Variants in PPP4R4 observed in about 807,000 individuals in gnomAD.
The protein encoded by PPP4R4 is serine/threonine-protein phosphatase 4 regulatory subunit 4.
A neutral mutation model predicts 121.8 loss-of-function variants in PPP4R4; 70 were observed. The observed-to-expected ratio is 0.57, with a 90% CI of 0.47 to 0.70. PPP4R4 has a LOEUF of 0.70. Among genes scored for constraint, PPP4R4 ranks in the 30% least tolerant of loss-of-function variants. The pLI is 0.00. For missense variants in PPP4R4, 875 were observed against 1,033.6 expected (o/e 0.85, Z 2.10); for synonymous variants, 348 against 355.7 (o/e 0.98, Z 0.24).
At chr14:94,181,927 T>G (rs962723372) in intron 2 of PPP4R4, among the ~76,000 whole-genome samples, 1 of 152,246 alleles carries the variant, frequency 6.6e-6, no homozygotes, top group African/African-American at 2.4e-5. Flanking sequence ...GACTCTTAAT[T>G]ACAACTCAAT....
intron 2 of PPP4R4, among the ~76,000 whole-genome samples, chr14:94,193,965 GT>G (rs1481929028): frequency 3.3e-5 from 5 of 152,170 alleles, no homozygotes. Context: ...CCAGCTGTTG[GT>G]CACTCACCTG....
chr14:94,230,885 T>C (rs377222780), intron 4 of PPP4R4, 151 bp downstream of exon 4: 21 of 869,586 alleles, frequency 2.4e-5, no homozygotes, highest in Admixed American at 1.7e-4. Context: ...AAAATAGCTA[T>C]GGCTGTCTTA....
intron 17 of PPP4R4, among the ~76,000 whole-genome samples, chr14:94,257,326 G>T (rs1198715428): frequency 6.6e-6 from 1 of 152,008 alleles, no homozygotes; most frequent in African/African-American, 2.4e-5. Context: ...TTTATAAGTT[G>T]AAGTGAAATT....
intron 2 of PPP4R4, among the ~76,000 whole-genome samples, chr14:94,188,950 A>C (rs1185589077): frequency 6.6e-6 from 1 of 152,170 alleles, no homozygotes; most frequent in African/African-American, 2.4e-5. Flanking sequence ...ATGCCTCAAT[A>C]AAACTCAAAA....
At chr14:94,258,092 T>A (rs1247288116) in intron 17 of PPP4R4, among the ~76,000 whole-genome samples, 1 of 152,168 alleles carries the variant, frequency 6.6e-6, no homozygotes, top group Non-Finnish European at 1.5e-5. Context: ...GCATGCATTA[T>A]GAATTTTTCA....
rs74343336 is a variant in PPP4R4, at chr14:94,191,609, T to C, written c.191+15482T>C. On this transcript the variant is annotated intron_variant, in intron 2 of 24. Transcript: ENST00000304338. ...GCAGAACTTATTCCTCCTATCTTGC[T>C]GTATAAATTGTTGAAGAGCCACTCA... Among the ~76,000 whole-genome samples, 1,430 of 152,316 alleles carry C rather than the reference T, an allele frequency of 9.4e-3. 12 individuals are homozygous for C. The highest frequency in any genetic ancestry group is 0.014 in the Non-Finnish European group (935 of 68,010).
chr14:94,205,084 G>T (rs1772692855), intron 2 of PPP4R4, among the ~76,000 whole-genome samples: 2 of 152,134 alleles, frequency 1.3e-5, no homozygotes, highest in South Asian at 4.1e-4. Context: ...GATTTAGGAA[G>T]TGCCACCTCC....
At chr14:94,212,854 G>A (rs191269558) in intron 3 of PPP4R4, among the ~76,000 whole-genome samples, 3 of 152,162 alleles carry the variant, frequency 2.0e-5, no homozygotes, top group Non-Finnish European at 2.9e-5. Context: ...ACCACATAAC[G>A]AAGGTGATTC....
chr14:94,254,642 T>C (rs1209851945), intron 16 of PPP4R4, among the ~76,000 whole-genome samples: 2 of 152,110 alleles, frequency 1.3e-5, no homozygotes, highest in Admixed American at 6.5e-5. Context: ...GATTCAGGTG[T>C]CTCAAGGTTG....
intron 2 of PPP4R4, among the ~76,000 whole-genome samples, chr14:94,186,815 G>A (rs951296443): frequency 2.0e-5 from 3 of 152,038 alleles, no homozygotes; most frequent in Admixed American, 6.5e-5. Context: ...TTATTTCATT[G>A]TGTTTATGAT....
At chr14:94,209,205 A>G (rs1890613925) in intron 3 of PPP4R4, among the ~76,000 whole-genome samples, 1 of 152,048 alleles carries the variant, frequency 6.6e-6, no homozygotes, top group South Asian at 2.1e-4. Flanking sequence ...GCTTTTCTTT[A>G]TAAGAACTTG....
At position 94,257,642 on chromosome 14, in the gene PPP4R4, T is replaced by TACACACACACAC. The variant is rs57997995; in HGVS notation, c.2010+1061_2010+1072dup. On this transcript the variant is annotated intron_variant, in intron 17 of 24. Coordinates refer to ENST00000304338, the MANE Select transcript of PPP4R4 (RefSeq NM_058237.2). The stretch of plus-strand genomic sequence containing the variant: ...GTAGAGTTGCACATGCATTTAAATC[T>TACACACACACAC]ACACACACACACACACACACACACA... Among the ~76,000 whole-genome samples, 927 of 146,972 alleles carry TACACACACACAC rather than the reference T, an allele frequency of 6.3e-3. 12 individuals are homozygous for TACACACACACAC. Among genetic ancestry groups the TACACACACACAC allele is most frequent in the African/African-American group, 0.018 (703 of 40,016 alleles).
intron 19 of PPP4R4, among the ~76,000 whole-genome samples, chr14:94,259,787 A>G (rs1893676587): frequency 6.6e-6 from 1 of 152,226 alleles, no homozygotes; most frequent in Non-Finnish European, 1.5e-5. Flanking sequence ...TAATTTATAT[A>G]AATGGAATCA....
intron 23 of PPP4R4, among the ~76,000 whole-genome samples, chr14:94,272,471 T>C (rs1294562571): frequency 6.6e-6 from 1 of 152,094 alleles, no homozygotes; most frequent in Non-Finnish European, 1.5e-5. Flanking sequence ...AAAACAAAAT[T>C]AGATCTTTTA....
At chr14:94,233,282 T>A (rs549612585) in intron 5 of PPP4R4, among the ~76,000 whole-genome samples, 1 of 152,372 alleles carries the variant, frequency 6.6e-6, no homozygotes, top group African/African-American at 2.4e-5. Flanking sequence ...CCCATTAGGA[T>A]ACATATAAAA....
chr14:94,242,748 A>G (rs28591250), intron 11 of PPP4R4, among the ~76,000 whole-genome samples: 1,965 of 152,236 alleles, frequency 0.013, 43 homozygotes, highest in African/African-American at 0.045. Context: ...TTAACTTTGC[A>G]CCTAAACTTA....
chr14:94,210,710 T>C (rs2139456712), intron 3 of PPP4R4, among the ~76,000 whole-genome samples: 1 of 152,232 alleles, frequency 6.6e-6, no homozygotes, highest in Admixed American at 6.5e-5. Flanking sequence ...ACAAGTATAA[T>C]AGAGTATTGT....
At chr14:94,262,053 C>A (rs1893815299) in intron 19 of PPP4R4, among the ~76,000 whole-genome samples, 1 of 151,906 alleles carries the variant, frequency 6.6e-6, no homozygotes, top group African/African-American at 2.4e-5. Context: ...GTTATTCTGG[C>A]CTCATAAAAC....
chr14:94,236,952 T>G (rs1892379941), intron 7 of PPP4R4, among the ~76,000 whole-genome samples: 1 of 152,202 alleles, frequency 6.6e-6, no homozygotes, highest in Non-Finnish European at 1.5e-5. Context: ...TCAGAGTGTT[T>G]GTCATTACAG....
Sources: allele counts gnomAD v4.1 joint callset (sites outside exome capture counted in the v4.1 genomes callset), GRCh38; gene constraint gnomAD v4.1.1; transcripts MANE v1.5; gene names NCBI Gene and HGNC (gene_info 2026-07-23, HGNC 2026-07-21).